The following CPXM2 variants were observed in gnomAD, a reference collection of about 807,000 sequenced individuals.
CPXM2 encodes inactive carboxypeptidase-like protein X2.
Under a neutral mutation model 86.1 loss-of-function variants are expected in CPXM2, and 66 were observed. That is an observed-to-expected ratio of 0.77 (90% CI 0.63 to 0.94). The LOEUF (loss-of-function observed/expected upper bound fraction) is 0.94, where lower values mean the gene tolerates loss of function less well. Ranked by LOEUF, CPXM2 falls within the 40% of genes least tolerant of loss-of-function variation. The pLI is 0.00. For missense variants in CPXM2, 948 were observed against 1,026.3 expected, an observed-to-expected ratio of 0.92 and a Z score of 1.04; for synonymous variants, 388 against 400.2, an observed-to-expected ratio of 0.97 and a Z score of 0.36.
intron 1 of CPXM2, among the ~76,000 whole-genome samples, chr10:123,886,365 A>C (rs1019896281): frequency 2.0e-5 from 3 of 152,322 alleles, no homozygotes; most frequent in Middle Eastern, 6.8e-3. Context: ...AGAGAAGGAA[A>C]GCTTAAATGT....
chr10:123,808,694 C>G (rs1847630817), intron 4 of CPXM2, among the ~76,000 whole-genome samples: 2 of 152,080 alleles, frequency 1.3e-5, no homozygotes, highest in Non-Finnish European at 2.9e-5. Context: ...GAGTCAAGAA[C>G]AATTATTTAT....
At chr10:123,883,511 C>CT (rs1203652910) in intron 1 of CPXM2, among the ~76,000 whole-genome samples, 4 of 152,258 alleles carry the variant, frequency 2.6e-5, no homozygotes, top group Admixed American at 6.5e-5. Flanking sequence ...GCCTGATGGG[C>CT]TTAGGGTGGC....
At chr10:123,752,165 T>C (rs1846093587) in intron 13 of CPXM2, 1 of 985,294 alleles carries the variant, frequency 1.0e-6, no homozygotes, top group Non-Finnish European at 1.2e-6. Context: ...CTTTCATGCA[T>C]AATGATCGCC....
At chr10:123,844,439 AT>A (rs905317545) in intron 3 of CPXM2, among the ~76,000 whole-genome samples, 13 of 151,348 alleles carry the variant, frequency 8.6e-5, no homozygotes, top group East Asian at 3.9e-4. Context: ...AATTATATGC[AT>A]TTTTTTTTAC....
intron 4 of CPXM2, among the ~76,000 whole-genome samples, chr10:123,822,703 GGCA>G (rs1156712469): frequency 7.5e-6 from 1 of 134,018 alleles, no homozygotes; most frequent in Non-Finnish European, 1.6e-5. Context: ...CAAAAAAGTA[GGCA>G]GCAGAAAATG....
intron 6 of CPXM2, among the ~76,000 whole-genome samples, chr10:123,795,786 A>G (rs1847324030): frequency 6.6e-6 from 1 of 152,110 alleles, no homozygotes; most frequent in African/African-American, 2.4e-5. Context: ...TCACAGTGTA[A>G]CCCTGACTTT....
intron 2 of CPXM2, among the ~76,000 whole-genome samples, chr10:123,920,812 T>C (rs1343705854): frequency 1.3e-5 from 2 of 151,976 alleles, no homozygotes; most frequent in Non-Finnish European, 2.9e-5. Context: ...ATTGTGGGAG[T>C]GGGTTCCTTA....
At chr10:123,778,208 T>C (rs1190675916) in intron 7 of CPXM2, among the ~76,000 whole-genome samples, 2 of 152,228 alleles carry the variant, frequency 1.3e-5, no homozygotes, top group Non-Finnish European at 1.5e-5. Flanking sequence ...TCTCATTTGT[T>C]TTTTGTTTGT....
intron 2 of CPXM2, among the ~76,000 whole-genome samples, chr10:123,923,862 C>CA (rs1945599935): frequency 6.6e-6 from 1 of 152,184 alleles, no homozygotes; most frequent in South Asian, 2.1e-4. Flanking sequence ...CCATGTGAGA[C>CA]ATGCCTTTCA....
chr10:123,837,815 T>A (rs1432217867), intron 4 of CPXM2, among the ~76,000 whole-genome samples: 1 of 152,232 alleles, frequency 6.6e-6, no homozygotes, highest in Non-Finnish European at 1.5e-5. Flanking sequence ...TTTGGAAAAC[T>A]AATAAAACTG....
chr10:123,859,367 T>C (rs542891023), intron 3 of CPXM2, among the ~76,000 whole-genome samples: 1 of 152,374 alleles, frequency 6.6e-6, no homozygotes, highest in South Asian at 2.1e-4. Context: ...CATGTGGCAC[T>C]GGCTCTGGAA....
intron 4 of CPXM2, among the ~76,000 whole-genome samples, chr10:123,804,474 G>A (rs1049785402): frequency 2.6e-5 from 4 of 151,900 alleles, no homozygotes; most frequent in Admixed American, 6.6e-5. Context: ...ATTTTACATG[G>A]TATCATTTTA....
chr10:123,796,603 G>A (rs190381997), intron 6 of CPXM2, among the ~76,000 whole-genome samples: 2 of 152,344 alleles, frequency 1.3e-5, no homozygotes, highest in South Asian at 2.1e-4. Flanking sequence ...TGGCTAGCAA[G>A]ATCATGAATA....
chr10:123,773,801 G>A (rs542352471), intron 7 of CPXM2, among the ~76,000 whole-genome samples: 73 of 152,234 alleles, frequency 4.8e-4, no homozygotes, highest in African/African-American at 1.7e-3. Flanking sequence ...TCTGAATTTT[G>A]CCTTTTTAGT....
chr10:123,893,720 A>T (rs904429777), upstream of CPXM2, among the ~76,000 whole-genome samples: 1 of 139,390 alleles, frequency 7.2e-6, no homozygotes, highest in African/African-American at 2.7e-5. Flanking sequence ...GGACTGTTTT[A>T]TCTGAAGCCA....
chr10:123,847,556 A>G (rs1324662967), intron 3 of CPXM2, among the ~76,000 whole-genome samples: 5 of 152,302 alleles, frequency 3.3e-5, no homozygotes, highest in Non-Finnish European at 5.9e-5. Flanking sequence ...TGAAGATTTC[A>G]ATTCCCAAAG....
intron 2 of CPXM2, among the ~76,000 whole-genome samples, chr10:123,935,020 A>G (rs1351650309): frequency 6.6e-6 from 1 of 152,086 alleles, no homozygotes; most frequent in Non-Finnish European, 1.5e-5. Context: ...TCTCGGCCAC[A>G]TTCTTCTGCC....
intron 4 of CPXM2, among the ~76,000 whole-genome samples, chr10:123,829,512 T>TA (rs1188170485): frequency 3.3e-5 from 5 of 149,396 alleles, no homozygotes; most frequent in Admixed American, 2.0e-4. Context: ...GTACCAGGAG[T>TA]AAAAAGAAAT....
chr10:123,772,357 C>T (rs1042746461), intron 7 of CPXM2, among the ~76,000 whole-genome samples: 1 of 152,084 alleles, frequency 6.6e-6, no homozygotes, highest in African/African-American at 2.4e-5. Context: ...TTATCACCTC[C>T]CTGGGTGTGG....
Sources: gnomAD v4.1 joint callset for allele counts (sites outside exome capture counted in the v4.1 genomes callset) on GRCh38, gnomAD v4.1.1 for gene constraint, MANE v1.5 for transcripts, NCBI Gene and HGNC (gene_info 2026-07-23, HGNC 2026-07-21) for gene names.